GMDS: variants seen among roughly 807,000 people sequenced by gnomAD.
GMDS encodes GDP-mannose 4,6-dehydratase, also known as GDP-mannose 4,6 dehydratase.
In GMDS, 20 loss-of-function variants were observed where a neutral mutation model predicts 49.9. The observed-to-expected ratio is 0.40, with a 90% CI of 0.28 to 0.58. GMDS has a LOEUF of 0.58. Ranked by LOEUF, GMDS falls within the 20% of genes least tolerant of loss-of-function variation. GMDS has a pLI of 0.42. For synonymous variants in GMDS, 177 were observed against 178.6 expected (o/e 0.99, Z 0.07); for missense variants, 362 against 481.4 (o/e 0.75, Z 2.32).
chr6:2,166,181 C>T (rs1416376056), intron 1 of GMDS, among the ~76,000 whole-genome samples: 1 of 152,148 alleles, frequency 6.6e-6, no homozygotes, highest in African/African-American at 2.4e-5. Flanking sequence ...GGTCCCCATG[C>T]AGAAAAAACA....
At chr6:1,754,576 A>G (rs890418319) in intron 7 of GMDS, among the ~76,000 whole-genome samples, 4 of 152,210 alleles carry the variant, frequency 2.6e-5, no homozygotes, top group African/African-American at 9.7e-5. Context: ...ACACAACAAA[A>G]AAAGACAATT....
chr6:2,229,089 G>A (rs1375727254), intron 1 of GMDS, among the ~76,000 whole-genome samples: 1 of 152,222 alleles, frequency 6.6e-6, no homozygotes, highest in Non-Finnish European at 1.5e-5. Flanking sequence ...GGGCTTCACT[G>A]CAGATGGGGT....
At chr6:2,184,279 T>C (rs1778681786) in intron 1 of GMDS, among the ~76,000 whole-genome samples, 1 of 152,234 alleles carries the variant, frequency 6.6e-6, no homozygotes, top group Non-Finnish European at 1.5e-5. Context: ...GCAGCAAAAG[T>C]GATCTCAAAC....
At chr6:1,982,075 C>T (rs900486558) in intron 4 of GMDS, among the ~76,000 whole-genome samples, 3 of 152,142 alleles carry the variant, frequency 2.0e-5, no homozygotes, top group Non-Finnish European at 4.4e-5. Flanking sequence ...GAGGCTGAGG[C>T]GGGTGGATCA....
At chr6:2,055,553 A>ACTGTATTCT (rs1379986401) in intron 4 of GMDS, among the ~76,000 whole-genome samples, 1 of 152,110 alleles carries the variant, frequency 6.6e-6, no homozygotes, top group East Asian at 1.9e-4. Flanking sequence ...ATGTCAAATT[A>ACTGTATTCT]CTGTATTCTC....
At chr6:2,228,812 A>G (rs1014915604) in intron 1 of GMDS, among the ~76,000 whole-genome samples, 1 of 151,758 alleles carries the variant, frequency 6.6e-6, no homozygotes, top group Non-Finnish European at 1.5e-5. Flanking sequence ...TAGCCCCAAT[A>G]CCCCCCGTTG....
chr6:2,087,057 G>C (rs1773057526), intron 4 of GMDS, among the ~76,000 whole-genome samples: 1 of 152,226 alleles, frequency 6.6e-6, no homozygotes, highest in South Asian at 2.1e-4. Context: ...AATTTATGAG[G>C]ATATGAGTGC....
intron 7 of GMDS, among the ~76,000 whole-genome samples, chr6:1,810,483 G>A (rs1201558396): frequency 1.3e-5 from 2 of 151,742 alleles, no homozygotes; most frequent in African/African-American, 4.8e-5. Flanking sequence ...GGGTTTCACT[G>A]TGTTGGCCAG....
chr6:2,021,320 G>T (rs1768267644), intron 4 of GMDS, among the ~76,000 whole-genome samples: 1 of 152,312 alleles, frequency 6.6e-6, no homozygotes, highest in Middle Eastern at 3.4e-3. Context: ...AGTTAGGAAT[G>T]AAACAAAGAA....
intron 4 of GMDS, among the ~76,000 whole-genome samples, chr6:1,990,061 C>T (rs1437610745): frequency 6.6e-6 from 1 of 152,200 alleles, no homozygotes; most frequent in East Asian, 1.9e-4. Context: ...CTTTGGGAGG[C>T]CAAGGCGGGT....
intron 7 of GMDS, among the ~76,000 whole-genome samples, chr6:1,854,954 T>A (rs1757881565): frequency 6.6e-6 from 1 of 152,248 alleles, no homozygotes; most frequent in African/African-American, 2.4e-5. Flanking sequence ...TTTTTGTGTT[T>A]TCTTTAGAGA....
intron 9 of GMDS, among the ~76,000 whole-genome samples, chr6:1,707,300 C>T (rs1417251374): frequency 6.6e-6 from 1 of 152,150 alleles, no homozygotes; most frequent in African/African-American, 2.4e-5. Context: ...AAAATGTGAG[C>T]TGAAAATATT....
At chr6:1,857,519 G>C (rs1757989335) in intron 7 of GMDS, among the ~76,000 whole-genome samples, 1 of 152,198 alleles carries the variant, frequency 6.6e-6, no homozygotes, top group African/African-American at 2.4e-5. Context: ...CAGGATCACA[G>C]TAGGGACTAA....
At chr6:2,217,025 G>T (rs530544078) in intron 1 of GMDS, among the ~76,000 whole-genome samples, 41 of 152,144 alleles carry the variant, frequency 2.7e-4, no homozygotes, top group Admixed American at 9.8e-4. Context: ...CCAGCCTCCC[G>T]CAGCCGCCCT....
chr6:1,794,863 C>T (rs139665274), intron 7 of GMDS, among the ~76,000 whole-genome samples: 1 of 152,188 alleles, frequency 6.6e-6, no homozygotes, highest in East Asian at 1.9e-4. Flanking sequence ...AGCCACTGCA[C>T]CTGGACGATG....
intron 9 of GMDS, among the ~76,000 whole-genome samples, chr6:1,714,610 G>A (rs1766107526): frequency 6.6e-6 from 1 of 152,336 alleles, no homozygotes; most frequent in South Asian, 2.1e-4. Flanking sequence ...AGAACTGAGT[G>A]TCTTTTATGC....
rs116937759 is a variant in GMDS at position 2,205,636 on chromosome 6, C to G, written c.102+39685G>C. Among the ~76,000 whole-genome samples the G allele has an allele frequency of 5.9e-5, 9 of 152,304 alleles. No individual in the cohort carries two copies. In the East Asian group the frequency reaches 9.6e-4, roughly 16 times the overall value. ...CAAGTCCTGCACAATGCAGCCCTTG[C>G]GATATGCAGAGATGTTACCAAAGAA... is the stretch of plus-strand genomic sequence containing the variant. On this transcript the variant is annotated intron_variant, in intron 1 of 10. Transcript: ENST00000380815.
intron 1 of GMDS, among the ~76,000 whole-genome samples, chr6:2,167,133 T>G (rs918862255): frequency 6.6e-6 from 1 of 152,172 alleles, no homozygotes; most frequent in African/African-American, 2.4e-5. Flanking sequence ...GATACCTAAT[T>G]CAGTGGACAT....
At chr6:1,658,710 G>A (rs1241170288) in intron 9 of GMDS, among the ~76,000 whole-genome samples, 1 of 152,258 alleles carries the variant, frequency 6.6e-6, no homozygotes, top group Admixed American at 6.5e-5. Flanking sequence ...GAATATTTAA[G>A]TTGCTTGAGA....
Sources: allele counts gnomAD v4.1 joint callset (sites outside exome capture counted in the v4.1 genomes callset), GRCh38; gene constraint gnomAD v4.1.1; transcripts MANE v1.5; gene names NCBI Gene and HGNC (gene_info 2026-07-23, HGNC 2026-07-21).